Variants in P3H2 observed in about 807,000 individuals in gnomAD.
The protein encoded by P3H2 is leprecan-like 1.
P3H2 carries 80 observed loss-of-function variants against 87.0 expected under a neutral mutation model. The ratio of observed to expected loss-of-function variants is 0.92; its 90% CI spans 0.77 to 1.11. The LOEUF (loss-of-function observed/expected upper bound fraction) is 1.11. Among genes scored for constraint, P3H2 ranks in the 50% least tolerant of loss-of-function variants. The probability of loss-of-function intolerance (pLI) is 0.00; values close to 1 mark genes in which losing one functional copy is unlikely to be tolerated. For synonymous variants in P3H2, 367 were observed against 359.3 expected, an observed-to-expected ratio of 1.02 and a Z score of -0.24; for missense variants, 1,001 against 923.9, an observed-to-expected ratio of 1.08 and a Z score of -1.08.
intron 1 of P3H2, among the ~76,000 whole-genome samples, chr3:190,090,403 A>G (rs935422336): frequency 6.6e-6 from 1 of 152,140 alleles, no homozygotes; most frequent in African/African-American, 2.4e-5. Flanking sequence ...TTAGACTCAA[A>G]AAATATTTAC....
intron 1 of P3H2, among the ~76,000 whole-genome samples, chr3:190,027,779 G>C (rs1280000252): frequency 2.6e-5 from 4 of 151,874 alleles, no homozygotes; most frequent in African/African-American, 9.7e-5. Flanking sequence ...TCCCTCTGCT[G>C]CTCTTCCCAC....
Position 190,101,368 on chromosome 3 carries a change from C to CA in P3H2, c.480+18883dup, listed in dbSNP as rs34737545. On this transcript the variant is annotated intron_variant, in intron 1 of 14. Transcript: ENST00000319332. ...GCATCAGTTCACCAAATCATGAACGCAAAAAAAAAAAAAAAAAAAAAAAAA... is the reference window on the plus strand; with the variant it reads ...GCATCAGTTCACCAAATCATGAACGCAAAAAAAAAAAAAAAAAAAAAAAAAA... Among the ~76,000 whole-genome samples, 229 of 23,950 alleles carry CA rather than the reference C, an allele frequency of 9.6e-3. 31 individuals are homozygous for CA. The highest frequency in any genetic ancestry group is 0.013 in the African/African-American group (77 of 5,866). The allele number at this position is 23,950 out of a possible 152,430, so 15.7% of individuals were successfully genotyped here. A position where few individuals can be genotyped will look rare whatever the true frequency, so the allele number is the denominator to read the frequency against.
intron 1 of P3H2, among the ~76,000 whole-genome samples, chr3:190,046,613 C>T (rs1725813364): frequency 9.8e-6 from 1 of 101,678 alleles, no homozygotes; most frequent in South Asian, 3.9e-4. Flanking sequence ...CTAAACATTT[C>T]AACACTATAA....
chr3:190,034,031 C>T (rs758188653), intron 1 of P3H2, among the ~76,000 whole-genome samples: 2 of 152,118 alleles, frequency 1.3e-5, no homozygotes, highest in African/African-American at 4.8e-5. Flanking sequence ...TTCAAGCTCA[C>T]GTTACAGAAT....
At chr3:190,005,034 CAT>C (rs1389170670) in intron 1 of P3H2, among the ~76,000 whole-genome samples, 9 of 151,994 alleles carry the variant, frequency 5.9e-5, no homozygotes, top group Non-Finnish European at 1.3e-4. Context: ...TGTCAAAAAT[CAT>C]ATGTCACAAA....
intron 1 of P3H2, among the ~76,000 whole-genome samples, chr3:190,091,522 A>G (rs1469167184): frequency 1.3e-5 from 2 of 152,238 alleles, no homozygotes; most frequent in Admixed American, 1.3e-4. Context: ...AGGTGATTAC[A>G]TCTTAATGTC....
chr3:190,055,850 T>C (rs1726136563), intron 1 of P3H2, among the ~76,000 whole-genome samples: 1 of 152,242 alleles, frequency 6.6e-6, no homozygotes, highest in Admixed American at 6.5e-5. Flanking sequence ...GAGCCTCTTT[T>C]TCCTTCTTGG....
intron 1 of P3H2, among the ~76,000 whole-genome samples, chr3:190,110,250 T>G (rs1395439695): frequency 6.6e-6 from 1 of 152,198 alleles, no homozygotes; most frequent in Admixed American, 6.5e-5. Context: ...ACATTTTTTG[T>G]TATCACTGCT....
chr3:190,040,809 T>C (rs1207357338), intron 1 of P3H2, among the ~76,000 whole-genome samples: 1 of 151,800 alleles, frequency 6.6e-6, no homozygotes, highest in South Asian at 2.1e-4. Context: ...ATTTAATTTA[T>C]GATTATGATG....
chr3:190,085,526 C>T (rs554099130), intron 1 of P3H2, among the ~76,000 whole-genome samples: 4 of 152,258 alleles, frequency 2.6e-5, no homozygotes, highest in African/African-American at 9.6e-5. Flanking sequence ...ACAGTCTGAT[C>T]GATTAATATG....
intron 14 of P3H2, among the ~76,000 whole-genome samples, chr3:189,960,943 C>CT (rs10679470): frequency 0.094 from 13,564 of 144,836 alleles, 1,128 homozygotes; most frequent in East Asian, 0.32. Flanking sequence ...GGAAAACAAT[C>CT]TTTTTTTTTT....
chr3:190,012,047 C>A (rs1003315241), intron 1 of P3H2, among the ~76,000 whole-genome samples: 1 of 152,040 alleles, frequency 6.6e-6, no homozygotes, highest in Non-Finnish European at 1.5e-5. Flanking sequence ...AGAAAGGAAG[C>A]AAAGGTAGAG....
At chr3:189,983,015 C>T (rs753858371) in intron 8 of P3H2, 31 bp downstream of exon 8, 1 of 1,543,044 alleles carries the variant, frequency 6.5e-7, no homozygotes, top group Non-Finnish European at 9.0e-7. Flanking sequence ...CCTTCCCCTC[C>T]TTTATAGGGT....
chr3:190,109,902 G>A (rs1271652018), intron 1 of P3H2, among the ~76,000 whole-genome samples: 1 of 139,682 alleles, frequency 7.2e-6, no homozygotes. Context: ...AGGCTGGAAT[G>A]CAGTGGCGTG....
chr3:190,010,253 A>G (rs915295753), intron 1 of P3H2, among the ~76,000 whole-genome samples: 4 of 152,198 alleles, frequency 2.6e-5, no homozygotes, highest in African/African-American at 9.6e-5. Flanking sequence ...AAGTTCAGAG[A>G]GGTCAGGTAA....
At chr3:189,989,665 TCTAATA>T (rs1332249846) in intron 3 of P3H2, among the ~76,000 whole-genome samples, 2 of 152,236 alleles carry the variant, frequency 1.3e-5, no homozygotes, top group Non-Finnish European at 2.9e-5. Context: ...CATAGTATAT[TCTAATA>T]CTAAGTACAT....
chr3:189,981,201 C>T (rs1285012380), intron 8 of P3H2, among the ~76,000 whole-genome samples: 2 of 152,208 alleles, frequency 1.3e-5, no homozygotes, highest in Non-Finnish European at 1.5e-5. Context: ...AACCCAAAGT[C>T]AGGATCATGG....
At chr3:190,101,173 C>T (rs540103145) in intron 1 of P3H2, among the ~76,000 whole-genome samples, 1 of 151,974 alleles carries the variant, frequency 6.6e-6, no homozygotes, top group African/African-American at 2.4e-5. Context: ...GCCTCCCTGT[C>T]CCCTGAGACA....
At chr3:189,979,923 G>A (rs767788824) in intron 8 of P3H2, among the ~76,000 whole-genome samples, 2 of 151,850 alleles carry the variant, frequency 1.3e-5, no homozygotes, top group Non-Finnish European at 2.9e-5. Context: ...AGCTGAGATC[G>A]CACCACTGTA....
Sources: allele counts gnomAD v4.1 joint callset (sites outside exome capture counted in the v4.1 genomes callset), GRCh38; gene constraint gnomAD v4.1.1; transcripts MANE v1.5; gene names NCBI Gene and HGNC (gene_info 2026-07-23, HGNC 2026-07-21).